Variants in UTP6 observed in about 807,000 individuals in gnomAD.
The protein encoded by UTP6 is U3 small nucleolar RNA-associated protein 6 homolog.
In UTP6, 60 loss-of-function variants were observed where a neutral mutation model predicts 96.5. That is an observed-to-expected ratio of 0.62 (90% CI 0.51 to 0.77). The LOEUF (loss-of-function observed/expected upper bound fraction) is 0.77. UTP6 is among the 30% of genes least tolerant of loss of function. UTP6 has a pLI of 0.00. For synonymous variants in UTP6, 215 were observed against 240.1 expected (o/e 0.90, Z 0.96); for missense variants, 637 against 706.5 (o/e 0.90, Z 1.12).
rs1911211011 is a variant in UTP6 at position 31,887,331 on chromosome 17, A to G, written c.544-18T>C. The G allele has an allele frequency of 5.0e-6, 8 of 1,610,978 alleles. No individual in the cohort carries two copies. In the East Asian group the frequency reaches 1.8e-4, roughly 36 times the overall value. ...CTAAAGTACTACAGAAGAGAAATAA[A>G]CTGAAAATCTTTGGAGATGCTTTTT... is the stretch of plus-strand genomic sequence containing the variant. On this transcript the variant is annotated intron_variant, in intron 7 of 18. Coordinates refer to ENST00000261708, the MANE Select transcript of UTP6 (RefSeq NM_018428.3).
chr17:31,898,989 G>A (rs546605884), intron 2 of UTP6, among the ~76,000 whole-genome samples: 5 of 151,462 alleles, frequency 3.3e-5, no homozygotes, highest in South Asian at 2.1e-4. Context: ...CCAAGATCGC[G>A]CCACTGCACT....
At chr17:31,873,545 C>G in intron 15 of UTP6, 58 bp from the exon 16 acceptor site, 1 of 1,605,554 alleles carries the variant, frequency 6.2e-7, no homozygotes. Context: ...GATACCAAAA[C>G]AGATTTTCCC....
At chr17:31,892,233 G>C in intron 6 of UTP6, 27 bp downstream of exon 6, 2 of 1,611,986 alleles carry the variant, frequency 1.2e-6, no homozygotes, top group Middle Eastern at 3.3e-4. Context: ...ATAAAACATA[G>C]AAAAATTGAC....
chr17:31,892,239 T>C (rs750881562), intron 6 of UTP6, 21 bp downstream of exon 6: 8 of 1,612,774 alleles, frequency 5.0e-6, no homozygotes, highest in South Asian at 1.1e-5. Flanking sequence ...CATAGAAAAA[T>C]TGACAAAGAT....
At position 31,875,288 on chromosome 17, in the gene UTP6, C is replaced by A. The variant is rs1273960973; in HGVS notation, c.1251G>T (p.Lys417Asn). 2.5e-6 allele frequency: 4 copies of A among 1,614,166 alleles called. No individual in the cohort carries two copies. The Admixed American group carries it at 6.7e-5, about 27-fold the overall frequency. ...QLKLQVLIES[K>N]SPDIAMLFEE... ...CAAAAAGCATGGCTATGTCAGGGCT[C>A]TTTGACTCGATCAGCACCTGCAGCT... The change falls in exon 14 of 19, where the codon AAG (lysine) becomes AAT (asparagine). Residue 417 changes from lysine to asparagine, a missense_variant. Transcript: ENST00000261708.
At chr17:31,864,491 T>C (rs948087998) in intron 18 of UTP6, among the ~76,000 whole-genome samples, 3 of 152,204 alleles carry the variant, frequency 2.0e-5, no homozygotes, top group Non-Finnish European at 4.4e-5. Context: ...GTCCTACAAA[T>C]GAGGGCAATG....
At chr17:31,900,659 A>ATT (rs1904925609) in intron 1 of UTP6, among the ~76,000 whole-genome samples, 1 of 152,154 alleles carries the variant, frequency 6.6e-6, no homozygotes, top group Non-Finnish European at 1.5e-5. Context: ...TTCTTTCCGA[A>ATT]ATTCCTCTTA....
chr17:31,877,942 G>A (rs1379379351), intron 13 of UTP6, among the ~76,000 whole-genome samples: 4 of 150,612 alleles, frequency 2.7e-5, no homozygotes, highest in Non-Finnish European at 5.9e-5. Context: ...GCTCCAGCCT[G>A]GGCAACAGAG....
intron 18 of UTP6, 151 bp from the exon 19 acceptor site, chr17:31,863,667 C>A (rs1038314331): frequency 2.8e-6 from 2 of 726,544 alleles, no homozygotes; most frequent in Non-Finnish European, 4.4e-6. Context: ...CTCTTAGCTT[C>A]TTTAAAGTAT....
At position 31,861,138 on chromosome 17, in the gene UTP6, T is replaced by C. The variant is rs1286811788; in HGVS notation, c.*2221A>G. The C allele has an allele frequency of 1.3e-5, 2 of 151,904 alleles. No individual in the cohort carries two copies. Among genetic ancestry groups the C allele is most frequent in the Admixed American group, 1.3e-4 (2 of 15,228 alleles). The allele number at this position is 151,904 out of a possible 1,614,324, so 9.4% of individuals were successfully genotyped here. On this transcript the variant is annotated 3_prime_UTR_variant, in exon 19 of 19. Coordinates refer to ENST00000261708, the MANE Select transcript of UTP6 (RefSeq NM_018428.3). ...CTATAATCCCAGCTACTTGGGAGGC[T>C]TTGGCAGGGAGAACTGTTTGAACCT... is the stretch of plus-strand genomic sequence containing the variant.
At chr17:31,872,027 C>T (rs974061380) in intron 16 of UTP6, among the ~76,000 whole-genome samples, 3 of 151,860 alleles carry the variant, frequency 2.0e-5, no homozygotes, top group Non-Finnish European at 4.4e-5. Context: ...AAACCCTTAT[C>T]TACTAAAAAT....
At chr17:31,878,361 A>G (rs1455725222) in intron 12 of UTP6, 34 bp from the exon 13 acceptor site, 7 of 1,605,350 alleles carry the variant, frequency 4.4e-6, no homozygotes, top group Non-Finnish European at 6.0e-6. Context: ...TTCATTACAA[A>G]GATCCCAGCA....
At chr17:31,882,661 C>G (rs1011667666) in intron 10 of UTP6, among the ~76,000 whole-genome samples, 3 of 152,198 alleles carry the variant, frequency 2.0e-5, no homozygotes, top group African/African-American at 7.2e-5. Flanking sequence ...AAAAGCACAA[C>G]CTACTCCTCT....
At chr17:31,880,956 A>C (rs943647563) in intron 10 of UTP6, among the ~76,000 whole-genome samples, 6 of 152,094 alleles carry the variant, frequency 3.9e-5, no homozygotes, top group Admixed American at 2.0e-4. Flanking sequence ...TGGGTGGATC[A>C]CCTGAGGTCG....
chr17:31,875,343 A>G lies in UTP6; in HGVS notation c.1196T>C (p.Phe399Ser). 1.2e-6 allele frequency: 2 copies of G among 1,614,158 alleles called. No homozygotes were observed. Among genetic ancestry groups the G allele is most frequent in the Non-Finnish European group, 1.7e-6 (2 of 1,180,026 alleles). The change falls in exon 14 of 19, where the codon TTT becomes TCT. Residue 399 changes from phenylalanine (F) to serine (S), a missense_variant. Coordinates refer to ENST00000261708, the MANE Select transcript of UTP6 (RefSeq NM_018428.3). ...CTGCCACATTGTCCCAGAGTCTCTAAACAATTCAGTTCCAGCTACTGCCAC... is the reference window on the plus strand; with the variant it reads ...CTGCCACATTGTCCCAGAGTCTCTAGACAATTCAGTTCCAGCTACTGCCAC... Reference protein sequence around the residue: ...LEVAVAGTELFRDSGTMWQLK... With the variant: ...LEVAVAGTELSRDSGTMWQLK...
intron 11 of UTP6, among the ~76,000 whole-genome samples, chr17:31,879,762 CA>C (rs1910715656): frequency 6.6e-6 from 1 of 151,984 alleles, no homozygotes; most frequent in Non-Finnish European, 1.5e-5. Flanking sequence ...ACATAAATAC[CA>C]CTACTATGGA....
Position 31,863,198 on chromosome 17 carries a change from TAA to T in UTP6, c.*159_*160del, listed in dbSNP as rs1363363569. ...TCAATCATAAAAATTTTTTAATTTTTAAAAAGATTTAACAAGTTAACATAAAA... is the reference window on the plus strand; with the variant it reads ...TCAATCATAAAAATTTTTTAATTTTTAAAGATTTAACAAGTTAACATAAAA... On this transcript the variant is annotated 3_prime_UTR_variant, in exon 19 of 19. Coordinates refer to ENST00000261708, the MANE Select transcript of UTP6 (RefSeq NM_018428.3). 7.5e-6 allele frequency: 6 copies of T among 797,826 alleles called. No homozygotes were observed. Among genetic ancestry groups the T allele is most frequent in the Non-Finnish European group, 1.2e-5 (6 of 511,400 alleles). The allele number at this position is 797,826 out of a possible 1,614,324, so 49.4% of individuals were successfully genotyped here.
intron 17 of UTP6, 73 bp downstream of exon 17, chr17:31,867,972 CA>C: frequency 1.3e-6 from 2 of 1,509,092 alleles, no homozygotes; most frequent in Non-Finnish European, 9.0e-7. Context: ...AACAAAAAAA[CA>C]AAAAACAGTC....
At chr17:31,872,902 C>T (rs757284169) in intron 16 of UTP6, among the ~76,000 whole-genome samples, 17 of 147,562 alleles carry the variant, frequency 1.2e-4, no homozygotes, top group East Asian at 2.0e-4. Flanking sequence ...GAGGCTAAGG[C>T]GGGAGAATCA....
Sources: allele counts gnomAD v4.1 joint callset (sites outside exome capture counted in the v4.1 genomes callset), GRCh38; gene constraint gnomAD v4.1.1; transcripts MANE v1.5; gene names NCBI Gene and HGNC (gene_info 2026-07-23, HGNC 2026-07-21).